SKP1: variants seen among roughly 807,000 people sequenced by gnomAD.
The protein encoded by SKP1 is S-phase kinase associated protein 1.
In SKP1, 1 loss-of-function variant was observed where a neutral mutation model predicts 21.5. The observed-to-expected ratio is 0.05, with a 90% CI of 0.02 to 0.22. The LOEUF (loss-of-function observed/expected upper bound fraction) is 0.22, where lower values mean the gene tolerates loss of function less well. Among genes scored for constraint, SKP1 ranks in the 10% least tolerant of loss-of-function variants. SKP1 has a pLI of 1.00. For missense variants in SKP1, 70 were observed against 192.0 expected, an observed-to-expected ratio of 0.36 and a Z score of 3.76; for synonymous variants, 59 against 59.3, an observed-to-expected ratio of 0.99 and a Z score of 0.03.
In SKP1 at chr5:134,159,389, C is replaced by CTT. The variant is rs79150294; in HGVS notation, c.316-796_316-795dup. ...GACCTGAATCCTTTTACAATGGAGA[C>CTT]TTTTTTTTTAAGACACCGTCTCACT... On this transcript the variant is annotated intron_variant, in intron 4 of 5. Transcript: ENST00000353411. Among the ~76,000 whole-genome samples the CTT allele has an allele frequency of 6.0e-5, 9 of 151,148 alleles. No homozygotes were observed. The South Asian group carries it at 1.5e-3, about 25-fold the overall frequency.
At chr5:134,176,166 T>C (rs1356173830) in intron 1 of SKP1, among the ~76,000 whole-genome samples, 1 of 152,168 alleles carries the variant, frequency 6.6e-6, no homozygotes, top group Non-Finnish European at 1.5e-5. Flanking sequence ...TATACACAGT[T>C]AAGGCTCCTA....
At chr5:134,173,713 T>C in intron 2 of SKP1, 2 of 646,950 alleles carry the variant, frequency 3.1e-6, no homozygotes, top group Non-Finnish European at 5.8e-6. Context: ...TATGATTTTA[T>C]CCATTTAATG....
At chr5:134,168,371 G>A (rs1323006282) in intron 2 of SKP1, among the ~76,000 whole-genome samples, 3 of 151,934 alleles carry the variant, frequency 2.0e-5, no homozygotes, top group Non-Finnish European at 2.9e-5. Flanking sequence ...CTAAAAATGC[G>A]CACAAACACG....
rs778846635 is a variant in SKP1 at position 134,161,122 on chromosome 5, C to T, written c.180G>A (p.Gln60=). ...VNAAILKKVI[Q]WCTHHKDDPP... ...GGTCATCCTTGTGGTGGGTGCACCA[C>T]TGAATGACCTACAACAACAAAAGTT... The change falls in exon 4 of 6, where the codon CAG becomes CAA. Residue 60 remains glutamine, a synonymous_variant. Transcript: ENST00000353411. The T allele has an allele frequency of 1.9e-6, 3 of 1,608,054 alleles. No individual in the cohort carries two copies. Among genetic ancestry groups the T allele is most frequent in the South Asian group, 2.2e-5 (2 of 90,106 alleles).
intron 3 of SKP1, among the ~76,000 whole-genome samples, chr5:134,164,578 C>T (rs1379868117): frequency 6.6e-6 from 1 of 152,118 alleles, no homozygotes; most frequent in Non-Finnish European, 1.5e-5. Flanking sequence ...TTTTGGATGG[C>T]ATTTGAATGT....
intron 3 of SKP1, among the ~76,000 whole-genome samples, chr5:134,166,625 T>G (rs1297229450): frequency 2.6e-5 from 3 of 116,438 alleles, no homozygotes; most frequent in Non-Finnish European, 5.6e-5. Context: ...GAAAAAAATA[T>G]ACTTACTTGT....
intron 4 of SKP1, 70 bp downstream of exon 4, chr5:134,160,917 A>G: frequency 9.3e-7 from 1 of 1,073,364 alleles, no homozygotes; most frequent in Non-Finnish European, 1.3e-6. Flanking sequence ...CAATGAAGTT[A>G]GCAAATTTAA....
intron 2 of SKP1, among the ~76,000 whole-genome samples, chr5:134,171,814 G>T (rs753683837): frequency 6.6e-6 from 1 of 152,210 alleles, no homozygotes; most frequent in African/African-American, 2.4e-5. Flanking sequence ...GGAGGCTGAG[G>T]TGGGCGGATC....
At position 134,158,429 on chromosome 5, in the gene SKP1, C is replaced by G. The variant is rs1160136680; in HGVS notation, c.456+26G>C. ...TACTCCCTTTTTAAGAGCATGTGAT[C>G]AAAGACAAAACTGTGTGCTACCTAC... On this transcript the variant is annotated intron_variant, in intron 5 of 5. Transcript: ENST00000353411. 3.1e-6 allele frequency: 5 copies of G among 1,613,912 alleles called. No homozygotes were observed. The South Asian group carries it at 5.5e-5, about 18-fold the overall frequency.
chr5:134,167,697 G>A (rs955861387), intron 2 of SKP1, among the ~76,000 whole-genome samples: 55 of 152,062 alleles, frequency 3.6e-4, no homozygotes, highest in Non-Finnish European at 7.4e-4. Context: ...CTAATTTTTT[G>A]TATTTTTTAG....
At chr5:134,176,422 G>A (rs897678276) in intron 1 of SKP1, among the ~76,000 whole-genome samples, 1 of 152,060 alleles carries the variant, frequency 6.6e-6, no homozygotes, top group South Asian at 2.1e-4. Context: ...GCCAGACACC[G>A]ACACACGCCC....
At chr5:134,158,371 C>T (rs1761157053) in intron 5 of SKP1, 84 bp downstream of exon 5, 6 of 1,609,988 alleles carry the variant, frequency 3.7e-6, no homozygotes, top group Non-Finnish European at 5.1e-6. Flanking sequence ...CTACTTGATA[C>T]AGTCACCTCT....
At chr5:134,164,156 A>C (rs889356577) in intron 3 of SKP1, among the ~76,000 whole-genome samples, 2 of 151,620 alleles carry the variant, frequency 1.3e-5, no homozygotes, top group South Asian at 4.2e-4. Context: ...CCCCATCTCT[A>C]CTCAAAATAC....
At chr5:134,165,416 C>A (rs1038224426) in intron 3 of SKP1, among the ~76,000 whole-genome samples, 10 of 151,666 alleles carry the variant, frequency 6.6e-5, no homozygotes, top group African/African-American at 2.2e-4. Context: ...ATGGTGAAAC[C>A]CTCATCTCTA....
chr5:134,151,488 G>A lies in SKP1; in HGVS notation c.*6245C>T, dbSNP rs980974917. 2 of 325,780 alleles carry A rather than the reference G, an allele frequency of 6.1e-6. No homozygotes were observed. The highest frequency in any genetic ancestry group is 6.2e-6 in the Non-Finnish European group (1 of 161,358). The allele number at this position is 325,780 out of a possible 1,614,324, so 20.2% of individuals were successfully genotyped here. ...GTTGTGAAATGGTACATTCAGGAAA[G>A]AAAGGACAAATAAGAATTTTCACCA... On this transcript the variant is annotated 3_prime_UTR_variant, in exon 6 of 6. Coordinates refer to ENST00000353411, the MANE Select transcript of SKP1 (RefSeq NM_170679.3).
chr5:134,165,197 C>T (rs982813071), intron 3 of SKP1, among the ~76,000 whole-genome samples: 1 of 152,026 alleles, frequency 6.6e-6, no homozygotes, highest in African/African-American at 2.4e-5. Flanking sequence ...ATTAATGTCA[C>T]TGAATGGTGC....
rs1480228766 is a variant in SKP1, at chr5:134,159,616, C to T, written c.316-1021G>A. Among the ~76,000 whole-genome samples, 39 of 151,038 alleles carry T rather than the reference C, an allele frequency of 2.6e-4. 2 individuals are homozygous for T. The highest frequency in any genetic ancestry group is 2.5e-3 in the Admixed American group (38 of 15,144). The stretch of plus-strand genomic sequence containing the variant: ...AGGCTGGAGGGCAGTGGTGCGATAT[C>T]GGCTCACTGCAAGCTCCACCTCCCG... On this transcript the variant is annotated intron_variant, in intron 4 of 5. Transcript: ENST00000353411.
chr5:134,169,740 G>A (rs558449834), intron 2 of SKP1, among the ~76,000 whole-genome samples: 124 of 152,280 alleles, frequency 8.1e-4, no homozygotes, highest in Non-Finnish European at 1.6e-3. Context: ...GGCGGCTCAC[G>A]CCTGTAATCC....
At chr5:134,175,552 C>G (rs1252693737) in intron 1 of SKP1, 2 of 152,138 alleles carry the variant, frequency 1.3e-5, no homozygotes, top group African/African-American at 2.4e-5. Context: ...AGTGCAGAAT[C>G]ACAAATCTAA....
Sources: gnomAD v4.1 joint callset for allele counts (sites outside exome capture counted in the v4.1 genomes callset) on GRCh38, gnomAD v4.1.1 for gene constraint, MANE v1.5 for transcripts, NCBI Gene and HGNC (gene_info 2026-07-23, HGNC 2026-07-21) for gene names.